NTRK2: variants seen among roughly 807,000 people sequenced by gnomAD.
NTRK2 encodes the protein BDNF/NT-3 growth factors receptor.
Under a neutral mutation model 94.5 loss-of-function variants are expected in NTRK2, and 13 were observed. The ratio of observed to expected loss-of-function variants is 0.14; its 90% CI spans 0.09 to 0.22. The LOEUF (loss-of-function observed/expected upper bound fraction) is 0.22, where lower values mean the gene tolerates loss of function less well. Ranked by LOEUF, NTRK2 falls within the 10% of genes least tolerant of loss-of-function variation. NTRK2 has a pLI of 1.00. For missense variants in NTRK2, 639 were observed against 1,071.2 expected, an observed-to-expected ratio of 0.60 and a Z score of 5.63; for synonymous variants, 372 against 407.4, an observed-to-expected ratio of 0.91 and a Z score of 1.05.
At chr9:84,838,200 A>G (rs1276637312) in intron 12 of NTRK2, among the ~76,000 whole-genome samples, 4 of 152,216 alleles carry the variant, frequency 2.6e-5, no homozygotes, top group Non-Finnish European at 5.9e-5. Context: ...TAGGAAAACA[A>G]CAACAGCAGC....
chr9:84,980,139 T>G (rs969317894), intron 17 of NTRK2, among the ~76,000 whole-genome samples: 7 of 152,060 alleles, frequency 4.6e-5, no homozygotes, highest in African/African-American at 1.7e-4. Context: ...TGTGTTCATT[T>G]TGTGTGTGTG....
chr9:84,710,567 A>T lies in NTRK2; in HGVS notation c.429-70A>T, dbSNP rs74387101. 7.1e-4 allele frequency: 1,067 copies of T among 1,513,384 alleles called. 10 individuals carry two copies. The African/African-American group carries it at 0.013, about 18-fold the overall frequency. The allele number at this position is 1,513,384 out of a possible 1,614,324, so 93.7% of individuals were successfully genotyped here. A position where few individuals can be genotyped will look rare whatever the true frequency, so the allele number is the denominator to read the frequency against. Reference sequence around the variant, plus strand: ...TAGAAAGAATTCATAATGTTGTAGTATTTTACAAGCACTAATGTAGCTAAA... The same window carrying T: ...TAGAAAGAATTCATAATGTTGTAGTTTTTTACAAGCACTAATGTAGCTAAA... On this transcript the variant is annotated intron_variant, in intron 5 of 18. Coordinates refer to ENST00000277120, the MANE Select transcript of NTRK2 (RefSeq NM_006180.6).
intron 14 of NTRK2, among the ~76,000 whole-genome samples, chr9:84,903,995 A>C (rs960686973): frequency 1.3e-5 from 2 of 152,248 alleles, no homozygotes; most frequent in Non-Finnish European, 2.9e-5. Flanking sequence ...AAACAGCTTC[A>C]ATATGGAAAT....
chr9:84,826,834 A>C (rs1156479882), intron 12 of NTRK2, among the ~76,000 whole-genome samples: 1 of 152,238 alleles, frequency 6.6e-6, no homozygotes, highest in Non-Finnish European at 1.5e-5. Flanking sequence ...ATCTCTGGAC[A>C]TCAAGGTGAA....
At chr9:84,810,968 T>C (rs1588760134) in intron 12 of NTRK2, 4 of 1,121,662 alleles carry the variant, frequency 3.6e-6, no homozygotes, top group African/African-American at 1.6e-5. Context: ...TTTATTAAAA[T>C]TGACCTGCAA....
At chr9:84,849,566 T>G (rs2074650306) in intron 12 of NTRK2, among the ~76,000 whole-genome samples, 1 of 152,216 alleles carries the variant, frequency 6.6e-6, no homozygotes, top group Non-Finnish European at 1.5e-5. Flanking sequence ...CTCTTTAGTA[T>G]CTACAATGAA....
At chr9:85,013,963 C>T (rs546140345) in intron 17 of NTRK2, among the ~76,000 whole-genome samples, 1 of 152,186 alleles carries the variant, frequency 6.6e-6, no homozygotes, top group East Asian at 1.9e-4. Context: ...TTACTCACCT[C>T]TAAATCACTA....
chr9:84,717,818 A>G (rs1482642664), intron 6 of NTRK2, among the ~76,000 whole-genome samples: 1 of 152,212 alleles, frequency 6.6e-6, no homozygotes, highest in Middle Eastern at 3.2e-3. Flanking sequence ...AATTGCTTGA[A>G]ATGAAAATAA....
chr9:84,674,859 C>T (rs1587846396), intron 2 of NTRK2, among the ~76,000 whole-genome samples: 2 of 152,174 alleles, frequency 1.3e-5, no homozygotes, highest in Admixed American at 1.3e-4. Flanking sequence ...CCTTGTGACC[C>T]TTTTGACCCT....
rs2132377437 is a variant in NTRK2, at chr9:84,745,004, C to T, written c.1227C>T (p.Asp409=). Residue 409 remains aspartate (D), a synonymous_variant, in exon 11 of 19, where the codon GAC becomes GAT. Transcript: ENST00000277120. ...GAACTGCAGCGAATGACATCGGGGA[C>T]ACCACGAACAGAAGTAATGAAATCC... The part of the protein sequence containing the change: ...DYGTAANDIG[D]TTNRSNEIPS... 6.2e-7 allele frequency: 1 copy of T among 1,613,820 alleles called. No individual in the cohort carries two copies. The highest frequency in any genetic ancestry group is 8.5e-7 in the Non-Finnish European group (1 of 1,179,934).
At chr9:84,954,123 T>G (rs1171458606) in intron 16 of NTRK2, among the ~76,000 whole-genome samples, 1 of 152,258 alleles carries the variant, frequency 6.6e-6, no homozygotes, top group African/African-American at 2.4e-5. Flanking sequence ...TTAACATTTA[T>G]GCAGAATCCT....
intron 12 of NTRK2, chr9:84,813,405 A>G: frequency 1.9e-6 from 2 of 1,063,104 alleles, no homozygotes; most frequent in Non-Finnish European, 1.1e-6. Context: ...TAAGCCAACA[A>G]AAGTCTGTGG....
chr9:84,755,995 C>T lies in NTRK2; in HGVS notation c.1396+3910C>T, dbSNP rs1162294388. On this transcript the variant is annotated intron_variant, in intron 12 of 18. Coordinates refer to ENST00000277120, the MANE Select transcript of NTRK2 (RefSeq NM_006180.6). Reference sequence around the variant, plus strand: ...TGCTTTTTTGGTTGATATGTAGCTACCATAATTGCAGAAGCCAAATAATGC... The same window carrying T: ...TGCTTTTTTGGTTGATATGTAGCTATCATAATTGCAGAAGCCAAATAATGC... 2.0e-5 allele frequency among the ~76,000 whole-genome samples: 3 copies of T among 152,026 alleles called. 1 individual carries two copies. Among genetic ancestry groups the T allele is most frequent in the Non-Finnish European group, 4.4e-5 (3 of 68,012 alleles).
intron 12 of NTRK2, among the ~76,000 whole-genome samples, chr9:84,795,763 G>A (rs1053956951): frequency 1.3e-5 from 2 of 152,132 alleles, no homozygotes; most frequent in African/African-American, 4.8e-5. Flanking sequence ...GGACCCCAAA[G>A]TATTTTGGCT....
chr9:84,889,609 C>T (rs953256349), intron 14 of NTRK2, among the ~76,000 whole-genome samples: 1 of 152,140 alleles, frequency 6.6e-6, no homozygotes, highest in Non-Finnish European at 1.5e-5. Context: ...GACGAGGTTT[C>T]ACCCTGTTGG....
At chr9:84,948,719 A>T in intron 16 of NTRK2, 85 bp downstream of exon 16, 1 of 1,203,920 alleles carries the variant, frequency 8.3e-7, no homozygotes. Context: ...GGAACAAGGG[A>T]CCCCTGGACC....
intron 17 of NTRK2, among the ~76,000 whole-genome samples, chr9:84,964,285 C>A (rs1056919565): frequency 2.0e-5 from 3 of 152,150 alleles, no homozygotes; most frequent in African/African-American, 7.2e-5. Flanking sequence ...TGGTCAAGAC[C>A]ACAGCAATGC....
At chr9:84,693,205 C>T (rs919152882) in intron 2 of NTRK2, among the ~76,000 whole-genome samples, 2 of 152,178 alleles carry the variant, frequency 1.3e-5, no homozygotes, top group Admixed American at 6.5e-5. Flanking sequence ...TTGACTGTGA[C>T]CTCTGGCTGA....
chr9:84,982,231 C>T (rs1827711639), intron 17 of NTRK2, among the ~76,000 whole-genome samples: 1 of 152,208 alleles, frequency 6.6e-6, no homozygotes. Flanking sequence ...ACCTATGCCA[C>T]ACCCACAAGG....
Sources: gnomAD v4.1 joint callset for allele counts (sites outside exome capture counted in the v4.1 genomes callset) on GRCh38, gnomAD v4.1.1 for gene constraint, MANE v1.5 for transcripts, NCBI Gene and HGNC (gene_info 2026-07-23, HGNC 2026-07-21) for gene names.